PYGO1: variants seen among roughly 807,000 people sequenced by gnomAD.
PYGO1 encodes pygopus family PHD finger 1.
A neutral mutation model predicts 29.5 loss-of-function variants in PYGO1; 6 were observed. The observed-to-expected ratio is 0.20, with a 90% CI of 0.11 to 0.40. The LOEUF is 0.40. Among genes scored for constraint, PYGO1 ranks in the 10% least tolerant of loss-of-function variants. The pLI, the probability that PYGO1 is intolerant of heterozygous loss-of-function variation, is 1.00. For missense variants in PYGO1, 515 were observed against 514.9 expected (o/e 1.00, Z 0.00); for synonymous variants, 186 against 180.5 (o/e 1.03, Z -0.24).
chr15:55,587,747 G>A, intron 1 of PYGO1, 88 bp downstream of exon 1: 1 of 1,402,700 alleles, frequency 7.1e-7, no homozygotes, highest in Non-Finnish European at 9.3e-7. Context: ...GGCCCGGACA[G>A]AGCCCCATGG....
intron 1 of PYGO1, among the ~76,000 whole-genome samples, chr15:55,553,008 G>A (rs1249231881): frequency 2.6e-5 from 4 of 152,194 alleles, no homozygotes; most frequent in Non-Finnish European, 5.9e-5. Flanking sequence ...GTTCCTGGGG[G>A]AGGGGTGGCC....
intron 1 of PYGO1, among the ~76,000 whole-genome samples, chr15:55,572,871 CA>C (rs1016152673): frequency 8.1e-5 from 12 of 148,434 alleles, no homozygotes; most frequent in African/African-American, 2.7e-4. Flanking sequence ...ATCAAAAAGA[CA>C]AAAAAAATAA....
rs1193530609 is a variant in PYGO1 at position 55,541,793 on chromosome 15, T to C, written c.*4230A>G. 2 of 152,200 alleles carry C rather than the reference T, an allele frequency of 1.3e-5. No individual in the cohort carries two copies. The highest frequency in any genetic ancestry group is 3.9e-4 in the East Asian group (2 of 5,192). 9.4% of individuals were successfully genotyped at this position (152,200 alleles called of 1,614,324 possible). Reference sequence around the variant, plus strand: ...GCAAAGAAACCCACACCAAAGAACTTAACCTCCTAATCACATCAGGAAAAA... The same window carrying C: ...GCAAAGAAACCCACACCAAAGAACTCAACCTCCTAATCACATCAGGAAAAA... On this transcript the variant is annotated 3_prime_UTR_variant, in exon 3 of 3. Transcript: ENST00000563719.
Position 55,588,230 on chromosome 15 carries a change from G to T in PYGO1, c.-347C>A, listed in dbSNP as rs1291662811. 6.7e-6 allele frequency among the ~76,000 whole-genome samples: 1 copy of T among 149,228 alleles called. No individual in the cohort carries two copies. Among genetic ancestry groups the T allele is most frequent in the Non-Finnish European group, 1.5e-5 (1 of 67,106 alleles). Reference sequence around the variant, plus strand: ...CTCCCACTCCTTCTTCTTCGCCGCCGCCTCAGGAGCCGCTGACAGGGGAAG... The same window carrying T: ...CTCCCACTCCTTCTTCTTCGCCGCCTCCTCAGGAGCCGCTGACAGGGGAAG... On this transcript the variant is annotated 5_prime_UTR_variant, in exon 1 of 3. Coordinates refer to ENST00000563719, the MANE Select transcript of PYGO1 (RefSeq NM_001367806.1).
chr15:55,541,372 CAGA>C lies in PYGO1; in HGVS notation c.*4648_*4650del, dbSNP rs2058827464. On this transcript the variant is annotated 3_prime_UTR_variant, in exon 3 of 3. Transcript: ENST00000563719. ...GAAATGAGAAGAAAATCTCTAAGTTCAGAATTAGAGGAGAGGAAGCTGTGAAAA... is the reference window on the plus strand; with the variant it reads ...GAAATGAGAAGAAAATCTCTAAGTTCATTAGAGGAGAGGAAGCTGTGAAAA... The C allele has an allele frequency of 6.6e-6, 1 of 152,120 alleles. No individual in the cohort carries two copies. Among genetic ancestry groups the C allele is most frequent in the Admixed American group, 6.6e-5 (1 of 15,266 alleles). 9.4% of individuals were successfully genotyped at this position (152,120 alleles called of 1,614,324 possible). A position where few individuals can be genotyped will look rare whatever the true frequency, so the allele number is the denominator to read the frequency against.
intron 1 of PYGO1, among the ~76,000 whole-genome samples, chr15:55,550,196 G>GT (rs905712784): frequency 2.3e-4 from 35 of 152,210 alleles, no homozygotes; most frequent in African/African-American, 8.4e-4. Context: ...CCTCCATCCT[G>GT]TTTTTTCCTT....
Position 55,544,361 on chromosome 15 carries a change from T to A in PYGO1, c.*1662A>T, listed in dbSNP as rs1303950157. ...ACATCTTCCAGTTACTTCATCTCGA[T>A]TGGGGAATGCATTGTTTCTTAGAAA... On this transcript the variant is annotated 3_prime_UTR_variant, in exon 3 of 3. Transcript: ENST00000563719. 6.6e-6 allele frequency: 1 copy of A among 152,150 alleles called. No individual in the cohort carries two copies. Among genetic ancestry groups the A allele is most frequent in the South Asian group, 2.1e-4 (1 of 4,836 alleles). The allele number at this position is 152,150 out of a possible 1,614,324, so 9.4% of individuals were successfully genotyped here.
At chr15:55,569,834 G>C (rs2058973316) in intron 1 of PYGO1, among the ~76,000 whole-genome samples, 1 of 152,148 alleles carries the variant, frequency 6.6e-6, no homozygotes. Flanking sequence ...CTCCACAGCA[G>C]GCACTCCAAT....
Position 55,546,254 on chromosome 15 carries a change from A to T in PYGO1, c.1029T>A (p.Cys343Ter). ...GHSSSDPVYP[C>*]GICTNEVNDD... ...CGTTCACCTCGTTTGTACAAATTCC[A>T]CAAGGATACACTGGGTCAGAAGACG... Residue 343 changes from cysteine to a stop codon, truncating the protein, a stop_gained, in exon 3 of 3, where the codon TGT (cysteine) becomes TGA (stop). Coordinates refer to ENST00000563719, the MANE Select transcript of PYGO1 (RefSeq NM_001367806.1). LOFTEE classifies it high-confidence loss of function. The T allele has an allele frequency of 6.2e-7, 1 of 1,614,174 alleles. No individual in the cohort carries two copies. Among genetic ancestry groups the T allele is most frequent in the Non-Finnish European group, 8.5e-7 (1 of 1,180,018 alleles).
upstream of PYGO1, chr15:55,588,838 G>A (rs780366882): frequency 6.2e-7 from 1 of 1,614,014 alleles, no homozygotes; most frequent in Non-Finnish European, 8.5e-7. Context: ...GAGCTGGAGA[G>A]TTCTCGGCGG....
In PYGO1 at chr15:55,542,465, A is replaced by C. The variant is rs1313996714; in HGVS notation, c.*3558T>G. 2 of 152,242 alleles carry C rather than the reference A, an allele frequency of 1.3e-5. No homozygotes were observed. Among genetic ancestry groups the C allele is most frequent in the Admixed American group, 1.3e-4 (2 of 15,292 alleles). 9.4% of individuals were successfully genotyped at this position (152,242 alleles called of 1,614,324 possible). The stretch of plus-strand genomic sequence containing the variant: ...CTCTAAAGTATTTCACACAAAAGGA[A>C]AACACTGATCACAAATCTAATTCTA... On this transcript the variant is annotated 3_prime_UTR_variant, in exon 3 of 3. Transcript: ENST00000563719.
intron 1 of PYGO1, among the ~76,000 whole-genome samples, chr15:55,571,282 T>C (rs982541561): frequency 6.6e-6 from 1 of 152,216 alleles, no homozygotes; most frequent in African/African-American, 2.4e-5. Context: ...CCTCGGTTGT[T>C]TCTACCTTTT....
At position 55,546,053 on chromosome 15, in the gene PYGO1, A is replaced by G. The variant is rs2058848162; in HGVS notation, c.1230T>C (p.Phe410=). Residue 410 remains phenylalanine, a synonymous_variant, in exon 3 of 3, where the codon TTT becomes TTC. Coordinates refer to ENST00000563719, the MANE Select transcript of PYGO1 (RefSeq NM_001367806.1). ...DVQLMRTRET[F]GPSAVGSDA is the part of the protein sequence containing the mutation. Reference sequence around the variant, plus strand: ...CATCACTGCCCACTGCAGATGGACCAAAAGTTTCTCTAGTACGCATTAACT... The same window carrying G: ...CATCACTGCCCACTGCAGATGGACCGAAAGTTTCTCTAGTACGCATTAACT... The G allele has an allele frequency of 6.2e-7, 1 of 1,612,522 alleles. No homozygotes were observed. The highest frequency in any genetic ancestry group is 8.5e-7 in the Non-Finnish European group (1 of 1,178,874).
At chr15:55,560,212 T>C (rs12595086) in intron 1 of PYGO1, among the ~76,000 whole-genome samples, 48,393 of 151,956 alleles carry the variant, frequency 0.32, 7,993 homozygotes, top group South Asian at 0.42. Flanking sequence ...AGAAATAAAG[T>C]GTATTCAAAT....
intron 1 of PYGO1, among the ~76,000 whole-genome samples, chr15:55,550,143 T>C (rs185173231): frequency 1.3e-3 from 203 of 152,346 alleles, no homozygotes; most frequent in African/African-American, 3.5e-3. Flanking sequence ...ATATGTTCCA[T>C]AGATTACAAC....
In PYGO1 at chr15:55,546,906, T is replaced by C. The variant is rs139317374; in HGVS notation, c.377A>G (p.Asn126Ser). The change falls in exon 3 of 3, where the codon AAC (asparagine) becomes AGC (serine). Residue 126 changes from asparagine to serine, a missense_variant. Physicochemically the swap from Asn to Ser is conservative, Grantham distance 46. Coordinates refer to ENST00000563719, the MANE Select transcript of PYGO1 (RefSeq NM_001367806.1). ...SPYCGPYSLR[N>S]QPHPFPQNPL... ...ATTCTGAGGAAATGGGTGTGGCTGGTTCCTGAGTGAGTAAGGACCACAGTA... is the reference window on the plus strand; with the variant it reads ...ATTCTGAGGAAATGGGTGTGGCTGGCTCCTGAGTGAGTAAGGACCACAGTA... 6.8e-6 allele frequency: 11 copies of C among 1,613,772 alleles called. No homozygotes were observed. The African/African-American group carries it at 8.0e-5, about 12-fold the overall frequency.
chr15:55,569,796 C>T (rs1399035122), intron 1 of PYGO1, among the ~76,000 whole-genome samples: 2 of 152,126 alleles, frequency 1.3e-5, no homozygotes, highest in Non-Finnish European at 2.9e-5. Context: ...CTGTGCCTGC[C>T]ATTGGGGTCC....
intron 1 of PYGO1, among the ~76,000 whole-genome samples, chr15:55,557,841 C>G (rs900297518): frequency 6.6e-6 from 1 of 152,186 alleles, no homozygotes; most frequent in African/African-American, 2.4e-5. Context: ...TGGGACGTCT[C>G]TCAAAATAAT....
At chr15:55,572,373 C>A (rs766362024) in intron 1 of PYGO1, among the ~76,000 whole-genome samples, 1 of 152,098 alleles carries the variant, frequency 6.6e-6, no homozygotes, top group Non-Finnish European at 1.5e-5. Flanking sequence ...AAACTGGACA[C>A]CTATCTTATA....
Sources: allele counts gnomAD v4.1 joint callset (sites outside exome capture counted in the v4.1 genomes callset), GRCh38; gene constraint gnomAD v4.1.1; transcripts MANE v1.5; gene names NCBI Gene and HGNC (gene_info 2026-07-23, HGNC 2026-07-21).